The following IL31RA variants were observed in gnomAD, a reference collection of about 807,000 sequenced individuals.
The protein encoded by IL31RA is interleukin 31 receptor A, also known as interleukin-31 receptor subunit alpha.
A neutral mutation model predicts 83.7 loss-of-function variants in IL31RA; 66 were observed. The ratio of observed to expected loss-of-function variants is 0.79; its 90% CI spans 0.65 to 0.97. The LOEUF (loss-of-function observed/expected upper bound fraction) is 0.97, where lower values mean the gene tolerates loss of function less well. IL31RA is among the 50% of genes least tolerant of loss of function. The pLI is 0.00. For synonymous variants in IL31RA, 325 were observed against 329.0 expected, an observed-to-expected ratio of 0.99 and a Z score of 0.13; for missense variants, 798 against 919.4, an observed-to-expected ratio of 0.87 and a Z score of 1.71.
chr5:55,846,984 C>T (rs1234311196), upstream of IL31RA, among the ~76,000 whole-genome samples: 4 of 151,770 alleles, frequency 2.6e-5, no homozygotes, highest in African/African-American at 4.8e-5. Flanking sequence ...GTGGCTCACA[C>T]CTGTAATCCC....
At position 55,883,194 on chromosome 5, in the gene IL31RA, G is replaced by T; in HGVS notation, c.605G>T (p.Trp202Leu). The change falls in exon 5 of 15, where the codon TGG becomes TTG. Residue 202 changes from tryptophan to leucine, a missense_variant and splice_region_variant. Physicochemically the swap from Trp to Leu is moderately conservative, Grantham distance 61 (BLOSUM62 -2). Coordinates refer to ENST00000652347, the MANE Select transcript of IL31RA (RefSeq NM_139017.7). ...LRFRTVNSTS[W>L]MEVNFAKNRK... ...TTCAGGACAGTCAACAGTACCAGCT[G>T]GGTAAGTTATGCCATTATAATAATA... The T allele has an allele frequency of 6.2e-7, 1 of 1,612,056 alleles. No individual in the cohort carries two copies. The highest frequency in any genetic ancestry group is 8.5e-7 in the Non-Finnish European group (1 of 1,178,526).
the IL31RA span, among the ~76,000 whole-genome samples, chr5:55,842,591 A>G: frequency 6.6e-6 from 1 of 152,218 alleles, no homozygotes; most frequent in Admixed American, 6.5e-5. Flanking sequence ...CACATCCCTT[A>G]GGGCGGAATT....
chr5:55,897,953 A>G (rs943759488), intron 7 of IL31RA, among the ~76,000 whole-genome samples: 1 of 152,208 alleles, frequency 6.6e-6, no homozygotes, highest in Non-Finnish European at 1.5e-5. Context: ...TGACATTCCA[A>G]TTACCTCAGG....
chr5:55,912,887 A>C (rs1749579673), intron 12 of IL31RA, among the ~76,000 whole-genome samples: 1 of 151,656 alleles, frequency 6.6e-6, no homozygotes, highest in African/African-American at 2.4e-5. Context: ...AGGTTGCTTG[A>C]GCCCAGGAGT....
At chr5:55,865,979 T>C (rs1746022772) in intron 2 of IL31RA, among the ~76,000 whole-genome samples, 1 of 152,220 alleles carries the variant, frequency 6.6e-6, no homozygotes, top group Admixed American at 6.5e-5. Flanking sequence ...CTGATCCCCC[T>C]CTGCCATCTG....
chr5:55,844,340 T>C, the IL31RA span, among the ~76,000 whole-genome samples: 1 of 152,180 alleles, frequency 6.6e-6, no homozygotes, highest in East Asian at 1.9e-4. Flanking sequence ...ATGTTAAAAG[T>C]TCTTCCAAGA....
intron 1 of IL31RA, among the ~76,000 whole-genome samples, chr5:55,854,478 C>A (rs1338810716): frequency 6.6e-6 from 1 of 152,100 alleles, no homozygotes; most frequent in African/African-American, 2.4e-5. Context: ...GGCAAAGTGG[C>A]TCACACCTGT....
At chr5:55,910,398 A>G (rs2112573837) in intron 11 of IL31RA, 134 bp from the exon 12 acceptor site, 3 of 894,182 alleles carry the variant, frequency 3.4e-6, no homozygotes, top group South Asian at 1.4e-5. Context: ...TTTAAGCAGG[A>G]CATGAATAGG....
chr5:55,867,260 TTTGTGTGC>T (rs1196001698), intron 2 of IL31RA, among the ~76,000 whole-genome samples: 21 of 14,768 alleles, frequency 1.4e-3, no homozygotes, highest in East Asian at 8.4e-3. Flanking sequence ...TGTGCGTGTG[TTTGTGTGC>T]GTGTGTGTGC....
intron 6 of IL31RA, among the ~76,000 whole-genome samples, chr5:55,894,144 T>G (rs1748189749): frequency 6.6e-6 from 1 of 151,888 alleles, no homozygotes; most frequent in African/African-American, 2.4e-5. Flanking sequence ...TTTCTTACTC[T>G]CAATATTACT....
the IL31RA span, among the ~76,000 whole-genome samples, chr5:55,846,154 TG>T: frequency 6.6e-6 from 1 of 152,228 alleles, no homozygotes; most frequent in Non-Finnish European, 1.5e-5. Context: ...TCTCCAATTT[TG>T]GGGACAGTGG....
chr5:55,889,503 T>C (rs766721886), intron 5 of IL31RA, among the ~76,000 whole-genome samples: 11 of 152,244 alleles, frequency 7.2e-5, no homozygotes, highest in East Asian at 1.9e-4. Flanking sequence ...CTTCTAACTT[T>C]CATTTAAATG....
upstream of IL31RA, among the ~76,000 whole-genome samples, chr5:55,849,540 T>C (rs1745004923): frequency 6.6e-6 from 1 of 152,342 alleles, no homozygotes; most frequent in African/African-American, 2.4e-5. Context: ...GAATTAATAA[T>C]TATGCCATTT....
intron 1 of IL31RA, 27 bp from the exon 2 acceptor site, chr5:55,859,482 C>G (rs749316195): frequency 3.0e-5 from 46 of 1,556,260 alleles, no homozygotes; most frequent in Non-Finnish European, 4.0e-5. Flanking sequence ...ATGAAGCAAA[C>G]CAACTCTTGA....
At chr5:55,895,041 A>G (rs1367743488) in intron 6 of IL31RA, among the ~76,000 whole-genome samples, 1 of 152,178 alleles carries the variant, frequency 6.6e-6, no homozygotes, top group African/African-American at 2.4e-5. Flanking sequence ...AAGATATCCA[A>G]TCACCTACAG....
At chr5:55,899,116 A>G (rs569570938) in intron 7 of IL31RA, among the ~76,000 whole-genome samples, 94 of 152,300 alleles carry the variant, frequency 6.2e-4, no homozygotes, top group Admixed American at 2.0e-3. Flanking sequence ...CTGACCTTTT[A>G]TGCCTAGACA....
intron 5 of IL31RA, among the ~76,000 whole-genome samples, chr5:55,884,427 C>T (rs1327493517): frequency 6.6e-6 from 1 of 152,120 alleles, no homozygotes; most frequent in Non-Finnish European, 1.5e-5. Flanking sequence ...GTAATCATCT[C>T]ATATTTATTG....
chr5:55,896,389 C>T lies in IL31RA; in HGVS notation c.812C>T (p.Ala271Val). The T allele has an allele frequency of 6.2e-7, 1 of 1,613,886 alleles. No individual in the cohort carries two copies. Among genetic ancestry groups the T allele is most frequent in the Non-Finnish European group, 8.5e-7 (1 of 1,179,800 alleles). The stretch of plus-strand genomic sequence containing the variant: ...GAACTGTGGAGAGTCCTGAAACCAG[C>T]TGAGGCGGATGGAAGAAGGCCAGTG... ...GLELWRVLKP[A>V]EADGRRPVRL... Residue 271 changes from alanine (A) to valine (V), a missense_variant, in exon 7 of 15, where the codon GCT becomes GTT. Transcript: ENST00000652347.
rs1274477048 is a variant in IL31RA at position 55,903,751 on chromosome 5, GAGGAAGCTGCAGAAGCAGGCC to G, written c.1070-2350_1070-2330del. 1.3e-5 allele frequency among the ~76,000 whole-genome samples: 2 copies of G among 152,228 alleles called. No homozygotes were observed. The highest frequency in any genetic ancestry group is 4.8e-5 in the African/African-American group (2 of 41,454). On this transcript the variant is annotated intron_variant, in intron 8 of 14. Transcript: ENST00000652347. The surrounding 1 kb of genome is among the most constrained non-coding windows in gnomAD (Gnocchi z 4.7). ...TTTAAAAAAGTGCCTCCAGGGAGAT[GAGGAAGCTGCAGAAGCAGGCC>G]AGGACAGGGCAGAGGCTGAGATGAA...
Sources: gnomAD v4.1 joint callset for allele counts (sites outside exome capture counted in the v4.1 genomes callset) on GRCh38, gnomAD v4.1.1 for gene constraint, Gnocchi (gnomAD v3.1) non-coding constraint, MANE v1.5 for transcripts, NCBI Gene and HGNC (gene_info 2026-07-23, HGNC 2026-07-21) for gene names.